Variants in CDH11 observed in about 807,000 individuals in gnomAD.
CDH11 encodes cadherin-11.
Under a neutral mutation model 67.8 loss-of-function variants are expected in CDH11, and 11 were observed. That is an observed-to-expected ratio of 0.16 (90% CI 0.10 to 0.27). CDH11 has a LOEUF of 0.27. Among genes scored for constraint, CDH11 ranks in the 10% least tolerant of loss-of-function variants. CDH11 has a pLI of 1.00. For missense variants in CDH11, 847 were observed against 1,031.2 expected (o/e 0.82, Z 2.45); for synonymous variants, 419 against 400.0 (o/e 1.05, Z -0.57).
At position 65,121,572 on chromosome 16, in the gene CDH11, C is replaced by A. The variant is rs1051768139; in HGVS notation, c.-298+308G>T. Reference sequence around the variant, plus strand: ...GTCTCTTGCCCCAGCCAGGTACAAACCCCCTCTGCTGTGGCCTCGGCGCAG... The same window carrying A: ...GTCTCTTGCCCCAGCCAGGTACAAAACCCCTCTGCTGTGGCCTCGGCGCAG... On this transcript the variant is annotated intron_variant, in intron 1 of 12. Coordinates refer to ENST00000268603, the MANE Select transcript of CDH11 (RefSeq NM_001797.4). The surrounding 1 kb of genome is among the most constrained non-coding windows in gnomAD (Gnocchi z 4.1). Among the ~76,000 whole-genome samples, 1 of 152,166 alleles carries A rather than the reference C, an allele frequency of 6.6e-6. No homozygotes were observed. The highest frequency in any genetic ancestry group is 1.5e-5 in the Non-Finnish European group (1 of 68,038).
chr16:65,031,735 T>C (rs2073647768), intron 2 of CDH11, among the ~76,000 whole-genome samples: 1 of 152,138 alleles, frequency 6.6e-6, no homozygotes, highest in Non-Finnish European at 1.5e-5. Flanking sequence ...AAAGAAATGA[T>C]AACCATAATT....
intron 2 of CDH11, among the ~76,000 whole-genome samples, chr16:65,047,141 G>T (rs1475681089): frequency 6.6e-6 from 1 of 152,054 alleles, no homozygotes; most frequent in Non-Finnish European, 1.5e-5. Flanking sequence ...GTAAAACAGG[G>T]TTTACAGCTG....
intron 3 of CDH11, among the ~76,000 whole-genome samples, chr16:65,002,317 C>A (rs1273655641): frequency 6.6e-6 from 1 of 152,114 alleles, no homozygotes; most frequent in African/African-American, 2.4e-5. Flanking sequence ...TCTTCTGCAA[C>A]CCCCAATCTG....
intron 6 of CDH11, 101 bp from the exon 7 acceptor site, chr16:64,988,445 T>C: frequency 9.2e-7 from 1 of 1,082,010 alleles, no homozygotes; most frequent in Non-Finnish European, 1.3e-6. Context: ...GGATTTGAAA[T>C]TGAACTTTCT....
intron 1 of CDH11, among the ~76,000 whole-genome samples, chr16:65,069,651 T>C (rs1403425573): frequency 6.6e-6 from 1 of 152,116 alleles, no homozygotes. Context: ...GAAAAATAGT[T>C]TTACAATACC....
At chr16:64,996,097 G>A (rs1008670234) in intron 4 of CDH11, among the ~76,000 whole-genome samples, 1 of 152,146 alleles carries the variant, frequency 6.6e-6, no homozygotes, top group African/African-American at 2.4e-5. Context: ...TAACATGCTG[G>A]TGAGGATGTG....
Position 65,004,795 on chromosome 16 carries a change from T to C in CDH11, c.75A>G (p.Pro25=). The C allele has an allele frequency of 6.3e-7, 1 of 1,598,688 alleles. No homozygotes were observed. The highest frequency in any genetic ancestry group is 1.7e-4 in the Middle Eastern group (1 of 5,956). The change falls in exon 3 of 13, where the codon CCA becomes CCG. Residue 25 remains proline, a synonymous_variant. Transcript: ENST00000268603. ...AGGGCCGCAGGTGCCCCCGCCGCTC[T>C]GGGGCAAAGGCATGGCTGTGGCACA... ...GMLCHSHAFA[P]ERRGHLRPSF...
chr16:65,002,625 G>A (rs1187456956), intron 3 of CDH11, among the ~76,000 whole-genome samples: 1 of 152,132 alleles, frequency 6.6e-6, no homozygotes, highest in Non-Finnish European at 1.5e-5. Context: ...CTTACACAAT[G>A]TCATTGAGAT....
intron 1 of CDH11, among the ~76,000 whole-genome samples, chr16:65,069,185 T>C (rs1220076570): frequency 6.6e-6 from 1 of 152,342 alleles, no homozygotes; most frequent in Admixed American, 6.5e-5. Flanking sequence ...GTGCATGGAA[T>C]AGCAGGCTTT....
intron 2 of CDH11, among the ~76,000 whole-genome samples, chr16:65,027,200 G>A (rs2073551586): frequency 6.6e-6 from 1 of 152,122 alleles, no homozygotes; most frequent in Non-Finnish European, 1.5e-5. Context: ...TTCTGTTCTG[G>A]ACAGCAAATG....
At chr16:65,055,411 G>A (rs532909698) in intron 1 of CDH11, among the ~76,000 whole-genome samples, 17 of 152,232 alleles carry the variant, frequency 1.1e-4, no homozygotes, top group African/African-American at 2.9e-4. Flanking sequence ...AAGATTCAGC[G>A]GTATTTGCCT....
chr16:64,950,890 T>C lies in CDH11; in HGVS notation c.1771A>G (p.Lys591Glu). The change falls in exon 12 of 13, where the codon AAA becomes GAA. Residue 591 changes from lysine to glutamate, a missense_variant. Lys to Glu is a moderately conservative substitution (Grantham distance 56, BLOSUM62 1). Coordinates refer to ENST00000268603, the MANE Select transcript of CDH11 (RefSeq NM_001797.4). ...PMSSTNTLTI[K>E]VCGCDVNGAL... ...CCGTTCACGTCGCACCCGCAGACTT[T>C]GATGGTGAGGGTGTTGGTGCTACTC... 2 of 1,614,200 alleles carry C rather than the reference T, an allele frequency of 1.2e-6. No individual in the cohort carries two copies. The highest frequency in any genetic ancestry group is 1.7e-6 in the Non-Finnish European group (2 of 1,180,036).
chr16:64,975,617 G>T (rs1264841059), intron 8 of CDH11, among the ~76,000 whole-genome samples: 4 of 152,088 alleles, frequency 2.6e-5, no homozygotes, highest in African/African-American at 9.7e-5. Context: ...GAGAGAGGGA[G>T]ATTTAAAGAC....
At chr16:64,965,255 G>A (rs967584951) in intron 11 of CDH11, among the ~76,000 whole-genome samples, 30 of 149,608 alleles carry the variant, frequency 2.0e-4, no homozygotes, top group Admixed American at 1.9e-3. Context: ...GCTGGCGGGC[G>A]CCTGTAATCC....
chr16:65,017,561 T>C (rs1343455596), intron 2 of CDH11, among the ~76,000 whole-genome samples: 2 of 152,174 alleles, frequency 1.3e-5, no homozygotes, highest in Admixed American at 6.5e-5. Context: ...CCTGTATTCC[T>C]ACACAATGAG....
chr16:64,974,631 G>A (rs1457551753), intron 8 of CDH11, among the ~76,000 whole-genome samples: 2 of 152,102 alleles, frequency 1.3e-5, no homozygotes, highest in Non-Finnish European at 2.9e-5. Flanking sequence ...AGAATAATGA[G>A]TCCCCTTGCA....
intron 1 of CDH11, among the ~76,000 whole-genome samples, chr16:65,089,524 A>G (rs1251094626): frequency 1.3e-5 from 2 of 152,146 alleles, no homozygotes; most frequent in Non-Finnish European, 2.9e-5. Context: ...GACTTATCCC[A>G]TTCTTCTAAG....
chr16:65,036,433 T>C (rs1380780139), intron 2 of CDH11, among the ~76,000 whole-genome samples: 1 of 152,144 alleles, frequency 6.6e-6, no homozygotes, highest in Admixed American at 6.5e-5. Flanking sequence ...CATGTTCCTC[T>C]TCCACAGAGA....
At chr16:64,988,769 C>T (rs550900501) in intron 6 of CDH11, among the ~76,000 whole-genome samples, 193 of 152,294 alleles carry the variant, frequency 1.3e-3, no homozygotes, top group African/African-American at 4.4e-3. Flanking sequence ...AAAAAATTCT[C>T]TGTTTAAAAG....
Sources: allele counts gnomAD v4.1 joint callset (sites outside exome capture counted in the v4.1 genomes callset), GRCh38; gene constraint gnomAD v4.1.1; non-coding constraint Gnocchi (gnomAD v3.1); transcripts MANE v1.5; gene names NCBI Gene and HGNC (gene_info 2026-07-23, HGNC 2026-07-21).